LRRC69: variants seen among roughly 807,000 people sequenced by gnomAD.
LRRC69 encodes leucine-rich repeat-containing protein 69.
In LRRC69, 42 loss-of-function variants were observed where a neutral mutation model predicts 37.8. The observed-to-expected ratio is 1.11, with a 90% CI of 0.87 to 1.44. LRRC69 has a LOEUF of 1.44. LRRC69 is among the 40% of genes most tolerant of loss of function. The pLI is 0.00. For synonymous variants in LRRC69, 141 were observed against 143.1 expected (o/e 0.99, Z 0.11); for missense variants, 357 against 401.9 (o/e 0.89, Z 0.96).
At chr8:91,125,201 T>C (rs564803874) in intron 2 of LRRC69, among the ~76,000 whole-genome samples, 1 of 152,024 alleles carries the variant, frequency 6.6e-6, no homozygotes, top group South Asian at 2.1e-4. Flanking sequence ...ATGGCTTTTA[T>C]AGCTTTATCA....
intron 3 of LRRC69, among the ~76,000 whole-genome samples, chr8:91,129,763 G>T (rs1359506292): frequency 6.6e-6 from 1 of 151,706 alleles, no homozygotes; most frequent in South Asian, 2.1e-4. Flanking sequence ...TCTCTCCATT[G>T]TTCTATTTCT....
intron 6 of LRRC69, among the ~76,000 whole-genome samples, chr8:91,197,816 C>T (rs926249829): frequency 1.5e-4 from 23 of 152,186 alleles, no homozygotes; most frequent in Non-Finnish European, 3.2e-4. Context: ...GTGTCGCTCA[C>T]GGTGGGAGCT....
intron 1 of LRRC69, chr8:91,118,237 G>T (rs1813548852): frequency 2.2e-6 from 1 of 455,034 alleles, no homozygotes; most frequent in African/African-American, 2.0e-5. Context: ...GGGTGCGGTG[G>T]CTCATGCCTG....
chr8:91,137,365 A>C (rs2130522044), intron 5 of LRRC69, among the ~76,000 whole-genome samples: 1 of 152,118 alleles, frequency 6.6e-6, no homozygotes, highest in Non-Finnish European at 1.5e-5. Context: ...TGAGCAACAT[A>C]ATGGAGTAAT....
At chr8:91,120,823 T>G (rs1049292438) in intron 1 of LRRC69, among the ~76,000 whole-genome samples, 2 of 152,026 alleles carry the variant, frequency 1.3e-5, no homozygotes, top group Admixed American at 6.6e-5. Context: ...CTCTTAAAAT[T>G]CCACATGATG....
intron 5 of LRRC69, among the ~76,000 whole-genome samples, chr8:91,136,005 G>C (rs35858946): frequency 0.053 from 8,050 of 151,744 alleles, 307 homozygotes; most frequent in Middle Eastern, 0.17. Flanking sequence ...AAATTTTTTG[G>C]TTATTACACA....
chr8:91,135,544 T>C, intron 4 of LRRC69, 124 bp from the exon 5 acceptor site: 1 of 547,220 alleles, frequency 1.8e-6, no homozygotes, highest in Non-Finnish European at 3.1e-6. Flanking sequence ...GAAGAATTGG[T>C]CAGTACAGTG....
At chr8:91,187,737 G>C (rs1809429013) in intron 5 of LRRC69, among the ~76,000 whole-genome samples, 1 of 152,140 alleles carries the variant, frequency 6.6e-6, no homozygotes, top group Admixed American at 6.6e-5. Context: ...CAGTTGAAGG[G>C]ACTATGTCTG....
chr8:91,128,532 T>C (rs1813757355), intron 3 of LRRC69, among the ~76,000 whole-genome samples: 1 of 152,014 alleles, frequency 6.6e-6, no homozygotes, highest in African/African-American at 2.4e-5. Context: ...CTAAGTAGAA[T>C]TCCATTTCTG....
chr8:91,142,880 TG>T (rs1808554331), intron 5 of LRRC69, among the ~76,000 whole-genome samples: 1 of 152,024 alleles, frequency 6.6e-6, no homozygotes. Context: ...ACTGGGAGTT[TG>T]GGTTCTGAGA....
chr8:91,120,110 A>T (rs1210672699), intron 1 of LRRC69, among the ~76,000 whole-genome samples: 2 of 151,932 alleles, frequency 1.3e-5, no homozygotes, highest in African/African-American at 2.4e-5. Flanking sequence ...ATTGTCTATT[A>T]GTTGTTGTCT....
At chr8:91,205,851 A>C (rs1809794810) in intron 7 of LRRC69, among the ~76,000 whole-genome samples, 1 of 152,210 alleles carries the variant, frequency 6.6e-6, no homozygotes, top group African/African-American at 2.4e-5. Flanking sequence ...GTTGCCTATA[A>C]AAGTTCTCTA....
At position 91,140,720 on chromosome 8, in the gene LRRC69, C is replaced by G. The variant is rs1424168429; in HGVS notation, c.651+4981C>G. On this transcript the variant is annotated intron_variant, in intron 5 of 7. Transcript: ENST00000448384. ...CCAGGCTGGAGTGCAGTGGCGCGAT[C>G]TCGGCTCACTGCAAGCTCCGCCTCC... is the stretch of plus-strand genomic sequence containing the variant. 1.5e-4 allele frequency among the ~76,000 whole-genome samples: 2 copies of G among 13,112 alleles called. 1 individual carries two copies. Among genetic ancestry groups the G allele is most frequent in the Non-Finnish European group, 3.0e-4 (2 of 6,588 alleles). 8.6% of individuals were successfully genotyped at this position (13,112 alleles called of 152,430 possible). A position where few individuals can be genotyped will look rare whatever the true frequency, so the allele number is the denominator to read the frequency against.
intron 1 of LRRC69, among the ~76,000 whole-genome samples, chr8:91,107,215 A>G (rs1008461824): frequency 3.3e-5 from 5 of 151,364 alleles, no homozygotes; most frequent in African/African-American, 1.2e-4. Context: ...GCTCACTGCA[A>G]CCTCCGCCTC....
At chr8:91,113,161 A>G (rs10094656) in intron 1 of LRRC69, among the ~76,000 whole-genome samples, 8,041 of 152,118 alleles carry the variant, frequency 0.053, 335 homozygotes, top group African/African-American at 0.11. Context: ...TACATATTCA[A>G]TGCAATTCCT....
intron 6 of LRRC69, among the ~76,000 whole-genome samples, chr8:91,199,755 A>G (rs1021489876): frequency 2.6e-5 from 4 of 152,172 alleles, no homozygotes; most frequent in African/African-American, 9.7e-5. Flanking sequence ...GACAAAAACA[A>G]TGGAGAAAAT....
intron 5 of LRRC69, among the ~76,000 whole-genome samples, chr8:91,163,548 C>T (rs1395072767): frequency 6.6e-6 from 1 of 151,368 alleles, no homozygotes; most frequent in Non-Finnish European, 1.5e-5. Context: ...GAACTTGTCT[C>T]CATCTTGATC....
At chr8:91,180,229 T>C (rs957092601) in intron 5 of LRRC69, among the ~76,000 whole-genome samples, 7 of 152,180 alleles carry the variant, frequency 4.6e-5, no homozygotes, top group African/African-American at 1.7e-4. Flanking sequence ...TCATGAGTTG[T>C]AATCAAGTTG....
intron 7 of LRRC69, among the ~76,000 whole-genome samples, chr8:91,214,428 A>G (rs923240389): frequency 3.3e-5 from 5 of 152,170 alleles, no homozygotes; most frequent in Non-Finnish European, 5.9e-5. Context: ...ACTTTCCAAC[A>G]ACTGTTCATT....
Sources: gnomAD v4.1 joint callset for allele counts (sites outside exome capture counted in the v4.1 genomes callset) on GRCh38, gnomAD v4.1.1 for gene constraint, MANE v1.5 for transcripts, NCBI Gene and HGNC (gene_info 2026-07-23, HGNC 2026-07-21) for gene names.